Variants in NXPH1 observed in about 807,000 individuals in gnomAD.
The protein encoded by NXPH1 is neurexophilin 1.
NXPH1 carries 5 observed loss-of-function variants against 23.7 expected under a neutral mutation model. The ratio of observed to expected loss-of-function variants is 0.21; its 90% confidence interval spans 0.11 to 0.44. NXPH1 has a LOEUF of 0.44. Ranked by LOEUF, NXPH1 falls within the 20% of genes least tolerant of loss-of-function variation. The pLI is 0.99. For synonymous variants in NXPH1, 144 were observed against 122.2 expected, an observed-to-expected ratio of 1.18 and a Z score of -1.18; for missense variants, 324 against 321.6, an observed-to-expected ratio of 1.01 and a Z score of -0.06.
intron 2 of NXPH1, among the ~76,000 whole-genome samples, chr7:8,686,716 G>C (rs1821150725): frequency 6.6e-6 from 1 of 152,098 alleles, no homozygotes; most frequent in Non-Finnish European, 1.5e-5. Context: ...TGTTAAATTA[G>C]GGGAGAGAGG....
chr7:8,598,512 C>T lies in NXPH1; in HGVS notation c.55-152496C>T, dbSNP rs191203316. ...CTCCCGCAACTAGACTCTTCTGGAGCGCCAAGGGCCCTTGCTTGGTTATTC... is the reference window on the plus strand; with the variant it reads ...CTCCCGCAACTAGACTCTTCTGGAGTGCCAAGGGCCCTTGCTTGGTTATTC... On this transcript the variant is annotated intron_variant, in intron 2 of 2. Transcript: ENST00000405863. Among the ~76,000 whole-genome samples, 552 of 152,200 alleles carry T rather than the reference C, an allele frequency of 3.6e-3. 2 individuals carry two copies. Among genetic ancestry groups the T allele is most frequent in the Non-Finnish European group, 6.0e-3 (409 of 67,996 alleles).
At chr7:8,746,888 A>ATGTT (rs1780479422) in intron 2 of NXPH1, among the ~76,000 whole-genome samples, 1 of 143,220 alleles carries the variant, frequency 7.0e-6, no homozygotes, top group African/African-American at 2.6e-5. Context: ...TGTTTGCTTT[A>ATGTT]TGTTTGTGGT....
intron 2 of NXPH1, among the ~76,000 whole-genome samples, chr7:8,516,752 A>G (rs1045711693): frequency 1.3e-5 from 2 of 152,106 alleles, no homozygotes; most frequent in African/African-American, 4.8e-5. Context: ...AGAGGGAGAG[A>G]AAAAGAATGA....
chr7:8,447,649 A>G (rs1263456323), intron 2 of NXPH1, among the ~76,000 whole-genome samples: 1 of 152,228 alleles, frequency 6.6e-6, no homozygotes, highest in Non-Finnish European at 1.5e-5. Context: ...CACCTCTTGA[A>G]TAAACATTCT....
At chr7:8,515,620 C>T (rs748719101) in intron 2 of NXPH1, among the ~76,000 whole-genome samples, 1 of 152,104 alleles carries the variant, frequency 6.6e-6, no homozygotes. Context: ...ATTAATAACA[C>T]AACTCATGAA....
chr7:8,730,758 C>T (rs1229444967), intron 2 of NXPH1, among the ~76,000 whole-genome samples: 1 of 151,522 alleles, frequency 6.6e-6, no homozygotes, highest in Admixed American at 6.6e-5. Flanking sequence ...ACCTTTCTCT[C>T]TGGCTGCCCT....
chr7:8,579,861 G>T (rs184476337), intron 2 of NXPH1, among the ~76,000 whole-genome samples: 86 of 152,198 alleles, frequency 5.7e-4, no homozygotes, highest in African/African-American at 1.8e-3. Flanking sequence ...AAATCCATTG[G>T]GGGGCATCTA....
At chr7:8,504,202 A>G (rs1584197828) in intron 2 of NXPH1, among the ~76,000 whole-genome samples, 1 of 152,044 alleles carries the variant, frequency 6.6e-6, no homozygotes, top group Admixed American at 6.6e-5. Flanking sequence ...CTAGAATGCT[A>G]TATTTTTCTC....
intron 2 of NXPH1, among the ~76,000 whole-genome samples, chr7:8,459,561 T>A (rs1485331116): frequency 6.6e-6 from 1 of 152,244 alleles, no homozygotes; most frequent in Non-Finnish European, 1.5e-5. Flanking sequence ...CCTGCCATCT[T>A]CTTTCTTCTA....
intron 2 of NXPH1, among the ~76,000 whole-genome samples, chr7:8,681,733 T>C (rs1477249590): frequency 6.6e-6 from 1 of 152,254 alleles, no homozygotes; most frequent in Non-Finnish European, 1.5e-5. Context: ...TGTTTATTAG[T>C]ACAGTGTGGC....
intron 2 of NXPH1, among the ~76,000 whole-genome samples, chr7:8,449,605 C>T (rs1816470204): frequency 6.6e-6 from 1 of 152,152 alleles, no homozygotes; most frequent in Admixed American, 6.5e-5. Context: ...GAAATTGAGG[C>T]ACTGAGAGTG....
intron 2 of NXPH1, among the ~76,000 whole-genome samples, chr7:8,498,670 T>C (rs1817379951): frequency 6.6e-6 from 1 of 152,110 alleles, no homozygotes; most frequent in Non-Finnish European, 1.5e-5. Context: ...GGTTTATAGA[T>C]ACTGATAATT....
chr7:8,526,107 G>A (rs953174935), intron 2 of NXPH1, among the ~76,000 whole-genome samples: 12 of 152,294 alleles, frequency 7.9e-5, no homozygotes, highest in Middle Eastern at 3.4e-3. Flanking sequence ...AAGCCATGGG[G>A]GCAGAGCTGC....
At chr7:8,436,933 C>T (rs1816205679) in intron 2 of NXPH1, among the ~76,000 whole-genome samples, 1 of 152,146 alleles carries the variant, frequency 6.6e-6, no homozygotes, top group Non-Finnish European at 1.5e-5. Flanking sequence ...TGCAAAGCTG[C>T]GAGTTGTGTG....
intron 2 of NXPH1, among the ~76,000 whole-genome samples, chr7:8,591,960 C>T (rs1177009955): frequency 6.6e-6 from 1 of 151,442 alleles, no homozygotes; most frequent in African/African-American, 2.4e-5. Flanking sequence ...TCAACAGATA[C>T]TCATTATCAT....
intron 2 of NXPH1, among the ~76,000 whole-genome samples, chr7:8,523,350 C>A (rs560724015): frequency 6.6e-6 from 1 of 152,194 alleles, no homozygotes; most frequent in Non-Finnish European, 1.5e-5. Flanking sequence ...TGGGGTCCCC[C>A]CAACCAGGTT....
chr7:8,695,293 C>T (rs956998521), intron 2 of NXPH1, among the ~76,000 whole-genome samples: 1 of 152,120 alleles, frequency 6.6e-6, no homozygotes, highest in Non-Finnish European at 1.5e-5. Flanking sequence ...ATCTTCATAG[C>T]ACAGGTGGCG....
chr7:8,730,221 A>C (rs1247680404), intron 2 of NXPH1, among the ~76,000 whole-genome samples: 2 of 148,330 alleles, frequency 1.3e-5, no homozygotes, highest in African/African-American at 5.0e-5. Flanking sequence ...TTTTATTTTG[A>C]GCCTATGTGT....
At chr7:8,502,984 C>A (rs556845697) in intron 2 of NXPH1, among the ~76,000 whole-genome samples, 1 of 152,084 alleles carries the variant, frequency 6.6e-6, no homozygotes, top group Non-Finnish European at 1.5e-5. Flanking sequence ...CCTGGAAAGA[C>A]CACATATTGC....
Sources: gnomAD v4.1 joint callset for allele counts (sites outside exome capture counted in the v4.1 genomes callset) on GRCh38, gnomAD v4.1.1 for gene constraint, MANE v1.5 for transcripts, NCBI Gene and HGNC (gene_info 2026-07-23, HGNC 2026-07-21) for gene names.